CNTLN: variants seen among roughly 807,000 people sequenced by gnomAD.
The protein encoded by CNTLN is centlein, also known as centlein, centrosomal protein.
Under a neutral mutation model 180.0 loss-of-function variants are expected in CNTLN, and 212 were observed. The observed-to-expected ratio is 1.18, with a 90% confidence interval of 1.05 to 1.32. CNTLN has a LOEUF of 1.32. CNTLN is among the 40% of genes most tolerant of loss of function. The pLI, the probability that CNTLN is intolerant of heterozygous loss-of-function variation, is 0.00. For synonymous variants in CNTLN, 722 were observed against 563.1 expected (o/e 1.28, Z -3.99); for missense variants, 2,095 against 1,610.9 (o/e 1.30, Z -5.14).
intron 1 of CNTLN, 119 bp from the exon 2 acceptor site, chr9:17,143,169 T>C (rs921517521): frequency 1.1e-5 from 7 of 660,548 alleles, no homozygotes; most frequent in East Asian, 5.4e-5. Context: ...GAGAATCAGT[T>C]GATGTAGTTA....
intron 18 of CNTLN, chr9:17,448,191 T>A: frequency 5.0e-6 from 1 of 199,628 alleles, no homozygotes; most frequent in Non-Finnish European, 1.1e-5. Flanking sequence ...AGGTAACATC[T>A]AACCCATTTG....
chr9:17,472,119 G>T (rs984014924), intron 23 of CNTLN, among the ~76,000 whole-genome samples: 3 of 152,018 alleles, frequency 2.0e-5, no homozygotes, highest in Non-Finnish European at 4.4e-5. Context: ...GGAATTGAAG[G>T]CATATGGAAT....
intron 24 of CNTLN, among the ~76,000 whole-genome samples, chr9:17,484,957 A>C (rs1832824173): frequency 6.6e-6 from 1 of 152,138 alleles, no homozygotes; most frequent in Admixed American, 6.6e-5. Context: ...TATTGTTGAA[A>C]AATATTTATT....
chr9:17,206,460 A>G (rs532440256), intron 2 of CNTLN, among the ~76,000 whole-genome samples: 1 of 152,168 alleles, frequency 6.6e-6, no homozygotes, highest in Non-Finnish European at 1.5e-5. Context: ...CTTACTGTAT[A>G]CTGAATGTTA....
At chr9:17,394,467 G>A (rs7035357) in intron 14 of CNTLN, 67 bp from the exon 15 acceptor site, 895,329 of 1,072,536 alleles carry the variant, frequency 0.83, 375,600 homozygotes, top group Non-Finnish European at 0.85. Flanking sequence ...TCATAAGTTA[G>A]AAATGGTAAT....
chr9:17,466,527 A>G (rs891466624), intron 22 of CNTLN, among the ~76,000 whole-genome samples, 179 bp from the exon 23 acceptor site: 2 of 151,552 alleles, frequency 1.3e-5, no homozygotes, highest in African/African-American at 4.8e-5. Flanking sequence ...TGATAAGTAT[A>G]TGAGAATATG....
chr9:17,274,453 A>ATGTC (rs1828158863), intron 6 of CNTLN, among the ~76,000 whole-genome samples: 2 of 138,774 alleles, frequency 1.4e-5, no homozygotes, highest in Non-Finnish European at 3.2e-5. Flanking sequence ...TCATAGATCA[A>ATGTC]TATCTATCTA....
chr9:17,242,434 A>G (rs1825552338), intron 5 of CNTLN, among the ~76,000 whole-genome samples: 1 of 151,898 alleles, frequency 6.6e-6, no homozygotes, highest in Non-Finnish European at 1.5e-5. Flanking sequence ...CAGCTTCCTG[A>G]GTAACTGGGA....
chr9:17,307,365 C>T (rs1033164552), intron 7 of CNTLN, among the ~76,000 whole-genome samples: 1 of 152,030 alleles, frequency 6.6e-6, no homozygotes, highest in African/African-American at 2.4e-5. Context: ...ACCTCCTGGG[C>T]TCAAGTGTTC....
At chr9:17,359,594 C>T (rs994329753) in intron 12 of CNTLN, among the ~76,000 whole-genome samples, 1 of 151,084 alleles carries the variant, frequency 6.6e-6, no homozygotes, top group African/African-American at 2.4e-5. Context: ...CATAAGAGGA[C>T]ATCCAGGCCG....
chr9:17,425,818 T>C (rs1043801876), intron 18 of CNTLN, among the ~76,000 whole-genome samples: 36 of 152,204 alleles, frequency 2.4e-4, no homozygotes, highest in Admixed American at 1.8e-3. Flanking sequence ...ATGAAGTTGG[T>C]TGAAATTTCT....
At chr9:17,144,895 G>T (rs1347634939) in intron 2 of CNTLN, among the ~76,000 whole-genome samples, 1 of 148,684 alleles carries the variant, frequency 6.7e-6, no homozygotes, top group African/African-American at 2.5e-5. Context: ...ACTGCGGACT[G>T]CAGTGGCGCA....
At chr9:17,144,817 A>T (rs549811869) in intron 2 of CNTLN, among the ~76,000 whole-genome samples, 2 of 148,674 alleles carry the variant, frequency 1.3e-5, no homozygotes, top group African/African-American at 4.9e-5. Context: ...TTATTTATTT[A>T]TTTTATTTTA....
chr9:17,522,420 C>T, the CNTLN span, among the ~76,000 whole-genome samples: 311 of 152,330 alleles, frequency 2.0e-3, 2 homozygotes, highest in African/African-American at 7.1e-3. Flanking sequence ...AATTAAACCT[C>T]AGGACTTTCA....
intron 2 of CNTLN, among the ~76,000 whole-genome samples, chr9:17,212,408 C>G (rs1823389383): frequency 6.6e-6 from 1 of 152,210 alleles, no homozygotes; most frequent in Admixed American, 6.5e-5. Flanking sequence ...GTGAAGCCCA[C>G]TTGATCATGG....
At chr9:17,297,213 G>C (rs189199991) in intron 6 of CNTLN, among the ~76,000 whole-genome samples, 1 of 152,184 alleles carries the variant, frequency 6.6e-6, no homozygotes, top group East Asian at 1.9e-4. Context: ...CATGTACTTT[G>C]TATTAGGTAT....
At chr9:17,192,974 T>C (rs1461932498) in intron 2 of CNTLN, among the ~76,000 whole-genome samples, 1 of 152,088 alleles carries the variant, frequency 6.6e-6, no homozygotes, top group Admixed American at 6.5e-5. Context: ...AAGGCACTTC[T>C]TACTTGGTGG....
intron 5 of CNTLN, among the ~76,000 whole-genome samples, chr9:17,243,953 TATA>T (rs1825649828): frequency 6.6e-6 from 1 of 152,158 alleles, no homozygotes; most frequent in Admixed American, 6.6e-5. Flanking sequence ...TTTCTTTAGC[TATA>T]ATAATATTTT....
intron 2 of CNTLN, among the ~76,000 whole-genome samples, chr9:17,160,161 A>T (rs1052842653): frequency 6.6e-6 from 1 of 151,960 alleles, no homozygotes; most frequent in African/African-American, 2.4e-5. Context: ...AAACTTTTTA[A>T]TTTTTTTATC....
Sources: allele counts gnomAD v4.1 joint callset (sites outside exome capture counted in the v4.1 genomes callset), GRCh38; gene constraint gnomAD v4.1.1; transcripts MANE v1.5; gene names NCBI Gene and HGNC (gene_info 2026-07-23, HGNC 2026-07-21).